Variants in SAMTOR observed in about 807,000 individuals in gnomAD.
The protein encoded by SAMTOR is UPF0532 protein C7orf60.
the SAMTOR span, among the ~76,000 whole-genome samples, chr7:112,917,237 T>A: frequency 6.6e-6 from 1 of 152,096 alleles, no homozygotes; most frequent in Non-Finnish European, 1.5e-5. Context: ...CACGGCCGGG[T>A]ACTCCTCTGA....
the SAMTOR span, among the ~76,000 whole-genome samples, chr7:112,913,107 T>C: frequency 6.6e-6 from 1 of 152,196 alleles, no homozygotes; most frequent in African/African-American, 2.4e-5. Context: ...GGAGAAAATG[T>C]ATATTCTGTA....
the SAMTOR span, among the ~76,000 whole-genome samples, chr7:112,890,294 T>C: frequency 1.3e-5 from 2 of 152,050 alleles, no homozygotes; most frequent in Non-Finnish European, 2.9e-5. Context: ...CTCTAACCTA[T>C]CATTGTTTGG....
At chr7:112,832,538 TC>T in the SAMTOR span, 2 of 1,331,038 alleles carry the variant, frequency 1.5e-6, no homozygotes, top group Non-Finnish European at 2.2e-6. Flanking sequence ...AATATTAAAG[TC>T]CAAAAACAAA....
chr7:112,932,218 C>T, the SAMTOR span, among the ~76,000 whole-genome samples: 28 of 152,172 alleles, frequency 1.8e-4, no homozygotes, highest in African/African-American at 6.5e-4. Flanking sequence ...AGCCACCGTA[C>T]CCAGCTCACT....
the SAMTOR span, chr7:112,820,642 CATTT>C: frequency 6.6e-6 from 1 of 151,960 alleles, no homozygotes; most frequent in African/African-American, 2.4e-5. Context: ...CACAGAAAGG[CATTT>C]ATTAATGTGG....
the SAMTOR span, among the ~76,000 whole-genome samples, chr7:112,870,302 G>GTA: frequency 6.6e-6 from 1 of 152,024 alleles, no homozygotes; most frequent in South Asian, 2.1e-4. Flanking sequence ...TACCTATAAA[G>GTA]GGAAACCCAT....
At chr7:112,824,819 A>G in the SAMTOR span, among the ~76,000 whole-genome samples, 1 of 152,172 alleles carries the variant, frequency 6.6e-6, no homozygotes, top group South Asian at 2.1e-4. Flanking sequence ...ACCATCTATT[A>G]TATTTCACTG....
chr7:112,919,359 A>G, the SAMTOR span, among the ~76,000 whole-genome samples: 1 of 152,248 alleles, frequency 6.6e-6, no homozygotes, highest in Non-Finnish European at 1.5e-5. Flanking sequence ...CTGGGTACAT[A>G]ATGAAATGAA....
chr7:112,821,632 G>T, the SAMTOR span: 2 of 1,004,156 alleles, frequency 2.0e-6, no homozygotes, highest in South Asian at 2.0e-5. Flanking sequence ...GTAAACCTCT[G>T]CATTTCTTTT....
At chr7:112,850,691 A>G in the SAMTOR span, among the ~76,000 whole-genome samples, 3 of 152,164 alleles carry the variant, frequency 2.0e-5, no homozygotes, top group Non-Finnish European at 4.4e-5. Context: ...CTGTGCATGT[A>G]GTTTGTGCAA....
chr7:112,900,189 C>G, the SAMTOR span, among the ~76,000 whole-genome samples: 1 of 152,108 alleles, frequency 6.6e-6, no homozygotes, highest in Non-Finnish European at 1.5e-5. Context: ...TGTGATTATG[C>G]AGACTGAAAT....
chr7:112,857,370 C>T, the SAMTOR span, among the ~76,000 whole-genome samples: 2 of 148,672 alleles, frequency 1.3e-5, no homozygotes, highest in African/African-American at 5.2e-5. Context: ...GGATTACAGG[C>T]GTGAGCCACC....
At chr7:112,919,712 A>C in the SAMTOR span, among the ~76,000 whole-genome samples, 1 of 151,474 alleles carries the variant, frequency 6.6e-6, no homozygotes, top group Non-Finnish European at 1.5e-5. Context: ...CAAGACTAAT[A>C]AAGAAGAAAA....
chr7:112,861,169 C>A, the SAMTOR span, among the ~76,000 whole-genome samples: 1 of 152,008 alleles, frequency 6.6e-6, no homozygotes, highest in Admixed American at 6.6e-5. Flanking sequence ...TCAATTATTT[C>A]ATCTCTTATT....
the SAMTOR span, among the ~76,000 whole-genome samples, chr7:112,840,551 A>AT: frequency 5.3e-5 from 8 of 151,318 alleles, no homozygotes; most frequent in East Asian, 3.9e-4. Context: ...TAACCATTTT[A>AT]TTTTTTTTAT....
chr7:112,938,818 A>G, the SAMTOR span, among the ~76,000 whole-genome samples: 2 of 152,216 alleles, frequency 1.3e-5, no homozygotes, highest in Non-Finnish European at 2.9e-5. Context: ...TTCCCCTATG[A>G]GCTTCCACAG....
At chr7:112,937,029 A>G in the SAMTOR span, among the ~76,000 whole-genome samples, 1 of 152,190 alleles carries the variant, frequency 6.6e-6, no homozygotes, top group Non-Finnish European at 1.5e-5. Flanking sequence ...AGTTATTTTA[A>G]TATTTTTAGG....
chr7:112,845,674 G>A, the SAMTOR span, among the ~76,000 whole-genome samples: 3 of 152,138 alleles, frequency 2.0e-5, no homozygotes, highest in Admixed American at 1.3e-4. Context: ...AAAGCAGTGT[G>A]GCGATTCCTC....
the SAMTOR span, among the ~76,000 whole-genome samples, chr7:112,852,275 G>A: frequency 0.064 from 9,686 of 152,096 alleles, 411 homozygotes; most frequent in South Asian, 0.14. Context: ...GGAATTCTAC[G>A]CAGCCATAAA....
Sources: gnomAD v4.1 joint callset for allele counts (sites outside exome capture counted in the v4.1 genomes callset) on GRCh38, gnomAD v4.1.1 for gene constraint, MANE v1.5 for transcripts, NCBI Gene and HGNC (gene_info 2026-07-23, HGNC 2026-07-21) for gene names.